GK: variants seen among roughly 807,000 people sequenced by gnomAD.
The protein encoded by GK is ATP:glycerol 3-phosphotransferase.
A neutral mutation model predicts 56.4 loss-of-function variants in GK; 9 were observed. That is an observed-to-expected ratio of 0.16 (90% CI 0.10 to 0.28). The LOEUF is 0.28. Ranked by LOEUF, GK falls within the 10% of genes least tolerant of loss-of-function variation. GK has a pLI of 1.00. For synonymous variants in GK, 104 were observed against 144.1 expected (o/e 0.72, Z 1.99); for missense variants, 161 against 431.4 (o/e 0.37, Z 5.55).
At position 30,720,931 on chromosome X, in the gene GK, T is replaced by C; in HGVS notation, c.1437T>C (p.Ser479=). The part of the protein sequence containing the change: ...AGAAEGVGVW[S]LEPEDLSAVT... ...CTGCAGAAGGAGTCGGCGTATGGAG[T>C]CTCGAACCCGAGGATTTGTCTGCCG... The change falls in exon 18 of 21, where the codon AGT becomes AGC. Residue 479 remains serine, a synonymous_variant. Transcript: ENST00000427190. 1 of 1,210,113 alleles carries C rather than the reference T, an allele frequency of 8.3e-7. No homozygotes were observed. The highest frequency in any genetic ancestry group is 1.1e-6 in the Non-Finnish European group (1 of 894,301).
intron 4 of GK, among the ~76,000 whole-genome samples, chrX:30,685,675 T>G (rs1473045331): frequency 8.9e-6 from 1 of 112,340 alleles, no homozygotes; most frequent in Non-Finnish European, 1.9e-5. Flanking sequence ...GTTTTCAACT[T>G]TGAGTTCTCC....
At chrX:30,671,479 T>C (rs1350115195) in intron 3 of GK, among the ~76,000 whole-genome samples, 1 of 111,127 alleles carries the variant, frequency 9.0e-6, no homozygotes, top group Non-Finnish European at 1.9e-5. Flanking sequence ...GCCACACTGA[T>C]GGTAATCTCA....
intron 13 of GK, 140 bp from the exon 14 acceptor site, chrX:30,718,398 A>T: frequency 2.0e-6 from 1 of 492,673 alleles, no homozygotes. Flanking sequence ...GTATTAGAAG[A>T]CCTAGTTTAC....
intron 4 of GK, among the ~76,000 whole-genome samples, chrX:30,690,677 C>T (rs1276097429): frequency 9.0e-6 from 1 of 111,631 alleles, no homozygotes; most frequent in East Asian, 2.8e-4. Context: ...TCTACTTTGT[C>T]TTAGTCACAA....
Position 30,696,653 on chromosome X carries a change from C to T in GK, c.699C>T (p.Val233=), listed in dbSNP as rs1935253345. The part of the protein sequence containing the change: ...FGIPMEILPN[V]RSSSEIYGLM... ...TTCCAATGGAAATTCTTCCAAATGT[C>T]CGGAGTTCTTCTGAGATCTATGGCC... The change falls in exon 8 of 21, where the codon GTC becomes GTT. Residue 233 remains valine, a synonymous_variant. Coordinates refer to ENST00000427190, the MANE Select transcript of GK (RefSeq NM_001205019.2). 2 of 1,202,330 alleles carry T rather than the reference C, an allele frequency of 1.7e-6. No homozygotes were observed. The highest frequency in any genetic ancestry group is 3.0e-5 in the East Asian group (1 of 33,714).
intron 11 of GK, among the ~76,000 whole-genome samples, chrX:30,706,055 G>A (rs5971512): frequency 0.028 from 3,147 of 111,518 alleles, 119 homozygotes; most frequent in African/African-American, 0.096. Context: ...TTCAGTGTGC[G>A]GCAATAAAAC....
rs1025249326 is a variant in GK, at chrX:30,687,760, G to T, written c.338-3363G>T. 6 of 245,643 alleles carry T rather than the reference G, an allele frequency of 2.4e-5. No individual in the cohort carries two copies. The Admixed American group carries it at 3.0e-4, about 12-fold the overall frequency. The allele number at this position is 245,643 out of a possible 1,213,427, so 20.2% of individuals were successfully genotyped here. ...CCTACACAAGGGGCTTAGTCCTCCA[G>T]CTTGGGAGTCTTCTCTTTGGCTTTT... On this transcript the variant is annotated intron_variant, in intron 4 of 20. Transcript: ENST00000427190.
chrX:30,713,030 G>A (rs1372519559), intron 13 of GK, among the ~76,000 whole-genome samples: 3 of 111,408 alleles, frequency 2.7e-5, no homozygotes, highest in South Asian at 3.7e-4. Flanking sequence ...CACCGCGCCC[G>A]GCCTTGTTGG....
chrX:30,705,713 C>A (rs1935962304), intron 11 of GK, among the ~76,000 whole-genome samples: 1 of 112,773 alleles, frequency 8.9e-6, no homozygotes, highest in Admixed American at 9.4e-5. Context: ...TGCTTGATGA[C>A]TGGGAAGAAA....
At chrX:30,696,945 G>A in intron 8 of GK, 1 of 352,769 alleles carries the variant, frequency 2.8e-6, no homozygotes, top group Non-Finnish European at 5.0e-6. Flanking sequence ...GTTGGCATGA[G>A]CCAATTTATT....
intron 11 of GK, among the ~76,000 whole-genome samples, chrX:30,703,532 C>T (rs1364411730): frequency 9.0e-6 from 1 of 111,521 alleles, no homozygotes; most frequent in Non-Finnish European, 1.9e-5. Context: ...ATCTAGGTAC[C>T]TGGACCCTGT....
chrX:30,712,886 G>A (rs1936418174), intron 13 of GK, among the ~76,000 whole-genome samples: 1 of 108,284 alleles, frequency 9.2e-6, no homozygotes, highest in Admixed American at 9.9e-5. Flanking sequence ...CACCATGCCC[G>A]GCTAATTTTT....
intron 11 of GK, among the ~76,000 whole-genome samples, chrX:30,703,514 G>T (rs2147225288): frequency 9.0e-6 from 1 of 111,410 alleles, no homozygotes; most frequent in African/African-American, 3.3e-5. Flanking sequence ...AGGGGAAGTA[G>T]GTATGTCATC....
intron 4 of GK, among the ~76,000 whole-genome samples, chrX:30,686,160 T>C (rs1934599909): frequency 8.9e-6 from 1 of 112,803 alleles, no homozygotes; most frequent in African/African-American, 3.2e-5. Context: ...TGTAAATCAA[T>C]CTTTCCTTCC....
In GK at chrX:30,696,443, A is replaced by T. The variant is rs41302637; in HGVS notation, c.663-174A>T. Among the ~76,000 whole-genome samples the T allele has an allele frequency of 0.053, 5,946 of 112,330 alleles. 172 individuals carry two copies. The highest frequency in any genetic ancestry group is 0.077 in the Non-Finnish European group (4,093 of 53,155). On this transcript the variant is annotated intron_variant, in intron 7 of 20. Transcript: ENST00000427190. ...GGCTTGCATAAAGTTAGAATGTTAA[A>T]TATCTAAGAATACAGCTATGTTCTG...
At chrX:30,683,107 G>A (rs1450627730) in intron 4 of GK, among the ~76,000 whole-genome samples, 1 of 111,319 alleles carries the variant, frequency 9.0e-6, no homozygotes, top group Admixed American at 9.6e-5. Context: ...TTCCTTCGTT[G>A]TCTATTTCTC....
intron 3 of GK, among the ~76,000 whole-genome samples, chrX:30,668,527 G>A (rs748522832): frequency 3.3e-4 from 37 of 111,410 alleles, no homozygotes; most frequent in Middle Eastern, 4.6e-3. Context: ...GATGCAGCAC[G>A]TACAAAGGCC....
intron 11 of GK, among the ~76,000 whole-genome samples, chrX:30,702,112 G>A (rs1326741938): frequency 9.2e-6 from 1 of 108,570 alleles, no homozygotes; most frequent in Admixed American, 9.8e-5. Context: ...GCGCGATCTC[G>A]GCTCACTGCA....
At chrX:30,724,542 C>G in intron 19 of GK, 1 of 259,313 alleles carries the variant, frequency 3.9e-6, no homozygotes, top group Non-Finnish European at 7.1e-6. Flanking sequence ...TTTTGGGGGG[C>G]TGTCTTTATG....
Sources: gnomAD v4.1 joint callset for allele counts (sites outside exome capture counted in the v4.1 genomes callset) on GRCh38, gnomAD v4.1.1 for gene constraint, MANE v1.5 for transcripts, NCBI Gene and HGNC (gene_info 2026-07-23, HGNC 2026-07-21) for gene names.